ESYT2: variants seen among roughly 807,000 people sequenced by gnomAD.
ESYT2 encodes extended synaptotagmin-2.
ESYT2 carries 54 observed loss-of-function variants against 107.2 expected under a neutral mutation model. The observed-to-expected ratio is 0.50, with a 90% confidence interval of 0.40 to 0.63. The LOEUF (loss-of-function observed/expected upper bound fraction) is 0.63. ESYT2 is among the 30% of genes least tolerant of loss of function. The probability of loss-of-function intolerance (pLI) is 0.00; values close to 1 mark genes in which losing one functional copy is unlikely to be tolerated. For missense variants in ESYT2, 1,020 were observed against 1,094.5 expected, an observed-to-expected ratio of 0.93 and a Z score of 0.96; for synonymous variants, 491 against 434.1, an observed-to-expected ratio of 1.13 and a Z score of -1.63.
At chr7:158,742,892 T>C (rs1587375003) in intron 17 of ESYT2, among the ~76,000 whole-genome samples, 1 of 152,304 alleles carries the variant, frequency 6.6e-6, no homozygotes, top group East Asian at 1.9e-4. Context: ...TCTGGAGAGG[T>C]GTGCGACACC....
chr7:158,781,630 AAC>A (rs1838819717), intron 6 of ESYT2, among the ~76,000 whole-genome samples: 1 of 22,374 alleles, frequency 4.5e-5, no homozygotes, highest in Non-Finnish European at 3.1e-4. Context: ...CGAGTGTGAG[AAC>A]AAAGTGAGGT....
At chr7:158,772,588 T>C (rs1404629284) in intron 7 of ESYT2, among the ~76,000 whole-genome samples, 1 of 152,176 alleles carries the variant, frequency 6.6e-6, no homozygotes, top group African/African-American at 2.4e-5. Context: ...ATTTCAAAAC[T>C]TCCTATTTGG....
rs1028637028 is a variant in ESYT2, at chr7:158,732,282, C to G, written c.*1925G>C. On this transcript the variant is annotated 3_prime_UTR_variant, in exon 23 of 23. Transcript: ENST00000275418. ...GATTTTTAAAAAACCCTCAACAAAT[C>G]TAATACTAAGGGAAAGCAACTAGAT... 1 of 152,134 alleles carries G rather than the reference C, an allele frequency of 6.6e-6. No individual in the cohort carries two copies. The highest frequency in any genetic ancestry group is 2.4e-5 in the African/African-American group (1 of 41,432). The allele number at this position is 152,134 out of a possible 1,614,324, so 9.4% of individuals were successfully genotyped here.
At chr7:158,824,961 T>A (rs1193221082) in intron 1 of ESYT2, among the ~76,000 whole-genome samples, 1 of 152,000 alleles carries the variant, frequency 6.6e-6, no homozygotes, top group Non-Finnish European at 1.5e-5. Context: ...GCCCAAGAGT[T>A]CAAGCCTGGG....
chr7:158,736,856 G>C (rs1836973759), intron 20 of ESYT2, among the ~76,000 whole-genome samples, 192 bp downstream of exon 20: 1 of 152,086 alleles, frequency 6.6e-6, no homozygotes, highest in Admixed American at 6.6e-5. Flanking sequence ...TGAATTTACT[G>C]TATTTAGAGC....
chr7:158,767,194 G>GTTACTC (rs1454380599), intron 8 of ESYT2, among the ~76,000 whole-genome samples: 4 of 152,132 alleles, frequency 2.6e-5, no homozygotes. Context: ...CTTCTACCAG[G>GTTACTC]TTACTCATTA....
chr7:158,751,368 A>G (rs573019435), intron 14 of ESYT2, among the ~76,000 whole-genome samples: 1 of 152,356 alleles, frequency 6.6e-6, no homozygotes, highest in African/African-American at 2.4e-5. Context: ...ATCCTATGAA[A>G]TAAGGTTAAA....
intron 19 of ESYT2, among the ~76,000 whole-genome samples, chr7:158,738,083 T>G (rs1837031380): frequency 6.6e-6 from 1 of 152,002 alleles, no homozygotes; most frequent in Non-Finnish European, 1.5e-5. Flanking sequence ...TAGCCAGGCC[T>G]GGTGGCTTCC....
chr7:158,766,787 G>C (rs1485683931), intron 8 of ESYT2, among the ~76,000 whole-genome samples: 1 of 152,182 alleles, frequency 6.6e-6, no homozygotes, highest in Non-Finnish European at 1.5e-5. Context: ...GCTTACTACA[G>C]ACACCACCAC....
intron 6 of ESYT2, among the ~76,000 whole-genome samples, chr7:158,783,658 C>G (rs536284715): frequency 6.6e-6 from 1 of 152,104 alleles, no homozygotes; most frequent in African/African-American, 2.4e-5. Context: ...TGAAGGAAGA[C>G]GAGATCCCCA....
At chr7:158,785,051 T>C (rs1432958104) in intron 6 of ESYT2, among the ~76,000 whole-genome samples, 1 of 152,236 alleles carries the variant, frequency 6.6e-6, no homozygotes, top group African/African-American at 2.4e-5. Flanking sequence ...AAGGATTCCC[T>C]ATGCACAGCC....
intron 6 of ESYT2, among the ~76,000 whole-genome samples, chr7:158,786,270 T>C (rs1014710089): frequency 6.6e-6 from 1 of 152,238 alleles, no homozygotes; most frequent in Admixed American, 6.5e-5. Context: ...AAATGAACTT[T>C]TTAAAAAGGT....
chr7:158,755,783 T>C (rs1837734234), intron 13 of ESYT2, among the ~76,000 whole-genome samples: 1 of 151,996 alleles, frequency 6.6e-6, no homozygotes, highest in South Asian at 2.1e-4. Flanking sequence ...ATTTTCCTCA[T>C]CTGTAAGACA....
At chr7:158,807,444 G>A (rs1839865193) in intron 1 of ESYT2, among the ~76,000 whole-genome samples, 1 of 152,128 alleles carries the variant, frequency 6.6e-6, no homozygotes, top group South Asian at 2.1e-4. Context: ...TTATGAGAAG[G>A]AGGTCGGAAA....
chr7:158,738,950 G>A (rs7803766), intron 19 of ESYT2, 73 bp downstream of exon 19: 266,168 of 1,364,454 alleles, frequency 0.2, 31,172 homozygotes, highest in East Asian at 0.56. Context: ...TCCTAAAGGC[G>A]GTGTCTACAT....
At chr7:158,775,887 G>A (rs1838545318) in intron 6 of ESYT2, among the ~76,000 whole-genome samples, 1 of 152,178 alleles carries the variant, frequency 6.6e-6, no homozygotes, top group South Asian at 2.1e-4. Context: ...GTCTGTGGCA[G>A]CTATCGTCTT....
At chr7:158,781,719 GAAC>G (rs1838825884) in intron 6 of ESYT2, among the ~76,000 whole-genome samples, 1 of 151,744 alleles carries the variant, frequency 6.6e-6, no homozygotes, top group African/African-American at 2.4e-5. Context: ...GTAAGAACGA[GAAC>G]AAATGTGAGT....
chr7:158,782,428 T>A (rs1388682541), intron 6 of ESYT2, among the ~76,000 whole-genome samples: 21 of 145,230 alleles, frequency 1.4e-4, no homozygotes, highest in South Asian at 2.2e-4. Flanking sequence ...GAGAACAAAG[T>A]GAGGTGTGAG....
chr7:158,825,515 T>C (rs1029884064), intron 1 of ESYT2, among the ~76,000 whole-genome samples: 2 of 152,218 alleles, frequency 1.3e-5, no homozygotes, highest in African/African-American at 4.8e-5. Flanking sequence ...ATTAAAGCTG[T>C]AGGACCAAAC....
Sources: gnomAD v4.1 joint callset for allele counts (sites outside exome capture counted in the v4.1 genomes callset) on GRCh38, gnomAD v4.1.1 for gene constraint, MANE v1.5 for transcripts, NCBI Gene and HGNC (gene_info 2026-07-23, HGNC 2026-07-21) for gene names.